Variants in SLC2A12 observed in about 807,000 individuals in gnomAD.
SLC2A12 encodes solute carrier family 2 member 12, also known as solute carrier family 2, facilitated glucose transporter member 12.
In SLC2A12, 23 loss-of-function variants were observed where a neutral mutation model predicts 41.8. That is an observed-to-expected ratio of 0.55 (90% CI 0.40 to 0.78). The LOEUF is 0.78. Ranked by LOEUF, SLC2A12 falls within the 30% of genes least tolerant of loss-of-function variation. The probability of loss-of-function intolerance (pLI) is 0.00; values close to 1 mark genes in which losing one functional copy is unlikely to be tolerated. For missense variants in SLC2A12, 654 were observed against 745.6 expected (o/e 0.88, Z 1.43); for synonymous variants, 295 against 285.9 (o/e 1.03, Z -0.32).
chr6:134,047,527 T>C (rs1489891866), intron 1 of SLC2A12, among the ~76,000 whole-genome samples: 1 of 152,242 alleles, frequency 6.6e-6, no homozygotes, highest in Non-Finnish European at 1.5e-5. Flanking sequence ...CTCAGCTTCC[T>C]TCGGCTGCTC....
chr6:134,029,524 T>C lies in SLC2A12; in HGVS notation c.301A>G (p.Ile101Val). The C allele has an allele frequency of 6.2e-7, 1 of 1,614,150 alleles. No homozygotes were observed. The highest frequency in any genetic ancestry group is 8.5e-7 in the Non-Finnish European group (1 of 1,180,036). The stretch of plus-strand genomic sequence containing the variant: ...GCTGTCCTTCTTCCATATCTGTCTA[T>C]CAGGACCCCTCCGGTGAGTGAGGCA... The part of the protein sequence containing the change: ...LLASLTGGVL[I>V]DRYGRRTAII... The change falls in exon 2 of 5, where the codon ATA (isoleucine) becomes GTA (valine). Residue 101 changes from isoleucine (I) to valine (V), a missense_variant. This residue lies in a region of SLC2A12 where 109 missense variants were observed against 153.0 expected (regional missense o/e 0.71). Transcript: ENST00000275230.
At chr6:133,991,405 GT>G in intron 4 of SLC2A12, 97 bp from the exon 5 acceptor site, 1 of 1,305,192 alleles carries the variant, frequency 7.7e-7, no homozygotes, top group Non-Finnish European at 1.1e-6. Flanking sequence ...GGGCTTTAAT[GT>G]TTTAGCTATG....
At chr6:134,010,372 G>A (rs1034044690) in intron 2 of SLC2A12, among the ~76,000 whole-genome samples, 4 of 152,098 alleles carry the variant, frequency 2.6e-5, no homozygotes, top group Admixed American at 1.3e-4. Flanking sequence ...GATGCACATT[G>A]TCCTATTTGT....
intron 4 of SLC2A12, among the ~76,000 whole-genome samples, chr6:134,000,920 C>A (rs996005119): frequency 6.6e-6 from 1 of 152,170 alleles, no homozygotes; most frequent in Non-Finnish European, 1.5e-5. Context: ...TTCTGCTAAT[C>A]TTAGCCTTAG....
chr6:134,048,076 C>T (rs920732439), intron 1 of SLC2A12, among the ~76,000 whole-genome samples: 2 of 152,220 alleles, frequency 1.3e-5, no homozygotes, highest in Non-Finnish European at 2.9e-5. Context: ...CCACCATGTT[C>T]GCAGCCTTTT....
chr6:134,012,445 C>T (rs1422456409), intron 2 of SLC2A12, among the ~76,000 whole-genome samples: 1 of 152,158 alleles, frequency 6.6e-6, no homozygotes, highest in Non-Finnish European at 1.5e-5. Flanking sequence ...TGGCAGTGGT[C>T]TTCAAACTCT....
In SLC2A12 at chr6:134,029,666, C is replaced by G; in HGVS notation, c.159G>C (p.Leu53=). 6.2e-7 allele frequency: 1 copy of G among 1,611,700 alleles called. No individual in the cohort carries two copies. ...SSVTAAVSGL[L]VGYELGIISG... Reference sequence around the variant, plus strand: ...AGATGATCCCAAGTTCATAACCCACCAGGAGGCCACTGACAGCAGCAGTGA... The same window carrying G: ...AGATGATCCCAAGTTCATAACCCACGAGGAGGCCACTGACAGCAGCAGTGA... Residue 53 remains leucine, a synonymous_variant, in exon 2 of 5, where the codon CTG becomes CTC. Transcript: ENST00000275230.
At chr6:134,026,299 T>A (rs748286768) in intron 2 of SLC2A12, among the ~76,000 whole-genome samples, 8 of 152,216 alleles carry the variant, frequency 5.3e-5, no homozygotes, top group Non-Finnish European at 1.2e-4. Flanking sequence ...AATGGAACAG[T>A]AACTACCACC....
chr6:134,035,375 C>T (rs1338479552), intron 1 of SLC2A12, among the ~76,000 whole-genome samples: 1 of 152,072 alleles, frequency 6.6e-6, no homozygotes, highest in Non-Finnish European at 1.5e-5. Context: ...CCCTTGAAAA[C>T]CTTATTTCAT....
intron 3 of SLC2A12, among the ~76,000 whole-genome samples, chr6:134,003,237 G>A (rs1406660972): frequency 6.6e-6 from 1 of 152,152 alleles, no homozygotes; most frequent in African/African-American, 2.4e-5. Context: ...CAGTTCTTTT[G>A]GCAATTTTAA....
intron 1 of SLC2A12, 104 bp from the exon 2 acceptor site, chr6:134,029,825 G>A: frequency 7.4e-7 from 1 of 1,351,682 alleles, no homozygotes; most frequent in Non-Finnish European, 9.9e-7. Context: ...TCATAGCACT[G>A]GGTTTAAACG....
At chr6:134,041,671 G>A (rs774806723) in intron 1 of SLC2A12, among the ~76,000 whole-genome samples, 14 of 151,996 alleles carry the variant, frequency 9.2e-5, no homozygotes, top group South Asian at 6.2e-4. Flanking sequence ...GATGCACAGC[G>A]GCAGTCTACG....
intron 2 of SLC2A12, among the ~76,000 whole-genome samples, chr6:134,007,555 C>T (rs1414697261): frequency 2.0e-5 from 3 of 152,182 alleles, no homozygotes; most frequent in Non-Finnish European, 4.4e-5. Flanking sequence ...ATTTGAATTT[C>T]TAGAAGGAGA....
intron 1 of SLC2A12, among the ~76,000 whole-genome samples, chr6:134,047,210 G>A (rs934220033): frequency 1.3e-5 from 2 of 152,052 alleles, no homozygotes; most frequent in African/African-American, 2.4e-5. Context: ...GGGGGAGACT[G>A]TTCATGAGAA....
chr6:133,991,850 T>C (rs1303216692), intron 4 of SLC2A12, among the ~76,000 whole-genome samples: 1 of 152,174 alleles, frequency 6.6e-6, no homozygotes. Flanking sequence ...GTAGGTAGTA[T>C]GGGTTGAGTA....
rs1388536602 is a variant in SLC2A12 at position 133,991,011 on chromosome 6, G to A, written c.*144C>T. 1.1e-6 allele frequency: 1 copy of A among 931,240 alleles called. No homozygotes were observed. The highest frequency in any genetic ancestry group is 2.6e-5 in the East Asian group (1 of 38,244). The allele number at this position is 931,240 out of a possible 1,614,324, so 57.7% of individuals were successfully genotyped here. A position where few individuals can be genotyped will look rare whatever the true frequency, so the allele number is the denominator to read the frequency against. On this transcript the variant is annotated 3_prime_UTR_variant, in exon 5 of 5. Transcript: ENST00000275230. ...CTTCTGGGGAGGAGGGGGATTAAAGGCTGTCTTTATCATTTCAGAGTGTCT... is the reference window on the plus strand; with the variant it reads ...CTTCTGGGGAGGAGGGGGATTAAAGACTGTCTTTATCATTTCAGAGTGTCT...
intron 4 of SLC2A12, among the ~76,000 whole-genome samples, chr6:133,997,673 G>A (rs933598961): frequency 6.6e-6 from 1 of 152,178 alleles, no homozygotes; most frequent in Admixed American, 6.5e-5. Flanking sequence ...AGGTGGGCAA[G>A]GGCTAGAAAA....
intron 1 of SLC2A12, among the ~76,000 whole-genome samples, chr6:134,039,764 T>C (rs1050032521): frequency 1.3e-5 from 2 of 152,242 alleles, no homozygotes; most frequent in African/African-American, 4.8e-5. Context: ...GGGGCCCTTA[T>C]GAATGGCTTG....
At chr6:134,030,971 T>A (rs1777197094) in intron 1 of SLC2A12, among the ~76,000 whole-genome samples, 1 of 152,228 alleles carries the variant, frequency 6.6e-6, no homozygotes, top group African/African-American at 2.4e-5. Context: ...CTGGCAAGAC[T>A]GGTAGCAGGG....
Sources: gnomAD v4.1 joint callset for allele counts (sites outside exome capture counted in the v4.1 genomes callset) on GRCh38, gnomAD v4.1.1 for gene constraint, gnomAD v4.1.1 regional missense constraint, MANE v1.5 for transcripts, NCBI Gene and HGNC (gene_info 2026-07-23, HGNC 2026-07-21) for gene names.